Variants in ALDH7A1 observed in about 807,000 individuals in gnomAD.
ALDH7A1 encodes the protein alpha-aminoadipic semialdehyde dehydrogenase.
ALDH7A1 carries 63 observed loss-of-function variants against 79.9 expected under a neutral mutation model. The observed-to-expected ratio is 0.79, with a 90% CI of 0.64 to 0.97. The LOEUF (loss-of-function observed/expected upper bound fraction) is 0.97. ALDH7A1 is among the 50% of genes least tolerant of loss of function. The pLI is 0.00. For synonymous variants in ALDH7A1, 240 were observed against 231.2 expected (o/e 1.04, Z -0.34); for missense variants, 627 against 665.2 (o/e 0.94, Z 0.63).
chr5:126,545,425 G>A (rs937928662), intron 17 of ALDH7A1, among the ~76,000 whole-genome samples: 2 of 151,546 alleles, frequency 1.3e-5, no homozygotes, highest in Non-Finnish European at 2.9e-5. Flanking sequence ...ACCACGCCTG[G>A]CTAATTTTTG....
In ALDH7A1 at chr5:126,568,263, C is replaced by T; in HGVS notation, c.867G>A (p.Arg289=). ...CATTAGAAAGCCAACACTTACCAAACCTCTCCTGCACCATCAGGCCCACCT... is the reference window on the plus strand; with the variant it reads ...CATTAGAAAGCCAACACTTACCAAATCTCTCCTGCACCATCAGGCCCACCT... ...GKQVGLMVQE[R]FGRSLLELGG... is the part of the protein sequence containing the mutation. Residue 289 remains arginine, a synonymous_variant, in exon 9 of 18, where the codon AGG becomes AGA. Coordinates refer to ENST00000409134, the MANE Select transcript of ALDH7A1 (RefSeq NM_001182.5). 1.2e-6 allele frequency: 2 copies of T among 1,614,054 alleles called. No homozygotes were observed. The highest frequency in any genetic ancestry group is 1.7e-6 in the Non-Finnish European group (2 of 1,179,938).
Position 126,570,829 on chromosome 5 carries a change from C to T in ALDH7A1, c.726G>A (p.Lys242=), listed in dbSNP as rs1420938162. ...KIIAKVLEDN[K]LPGAICSLTC... is the part of the protein sequence containing the mutation. ...TCAAGGAACAAATTGCACCAGGCAG[C>T]TTGTTGTCCTCCAGAACCTTGGCTA... The change falls in exon 8 of 18, where the codon AAG becomes AAA. Residue 242 remains lysine, a synonymous_variant. Coordinates refer to ENST00000409134, the MANE Select transcript of ALDH7A1 (RefSeq NM_001182.5). 6.2e-7 allele frequency: 1 copy of T among 1,613,988 alleles called. No individual in the cohort carries two copies. Among genetic ancestry groups the T allele is most frequent in the South Asian group, 1.1e-5 (1 of 91,076 alleles).
chr5:126,563,464 C>T (rs1482098360), intron 9 of ALDH7A1, among the ~76,000 whole-genome samples: 4 of 152,148 alleles, frequency 2.6e-5, no homozygotes, highest in Admixed American at 1.3e-4. Flanking sequence ...AACCTATATT[C>T]TAGAAAAGTT....
intron 15 of ALDH7A1, 48 bp from the exon 16 acceptor site, chr5:126,550,050 A>G: frequency 6.3e-7 from 1 of 1,592,292 alleles, no homozygotes; most frequent in East Asian, 2.2e-5. Context: ...GGAAATTAAA[A>G]ACAAACAAAA....
intron 3 of ALDH7A1, 93 bp downstream of exon 3, chr5:126,592,571 G>T: frequency 1.6e-6 from 2 of 1,285,412 alleles, no homozygotes; most frequent in South Asian, 1.2e-5. Flanking sequence ...TAACAAGGCG[G>T]CACTGACCTG....
intron 15 of ALDH7A1, 34 bp downstream of exon 15, chr5:126,550,162 C>G (rs762451889): frequency 6.3e-7 from 1 of 1,595,558 alleles, no homozygotes; most frequent in Non-Finnish European, 8.6e-7. Context: ...ATAAATCAGA[C>G]TTATATAAAT....
At chr5:126,594,114 A>C (rs763946523) in intron 1 of ALDH7A1, 1 of 428,456 alleles carries the variant, frequency 2.3e-6, no homozygotes, top group African/African-American at 2.1e-5. Flanking sequence ...TTACCTTTCC[A>C]TTGTATTCTA....
intron 10 of ALDH7A1, 65 bp from the exon 11 acceptor site, chr5:126,559,399 G>A (rs2112768583): frequency 2.8e-6 from 3 of 1,061,776 alleles, no homozygotes; most frequent in East Asian, 5.2e-5. Context: ...TTGTTAGCTG[G>A]TATAAAACAA....
At chr5:126,570,929 A>C (rs538716888) in intron 7 of ALDH7A1, 70 bp from the exon 8 acceptor site, 1 of 1,455,612 alleles carries the variant, frequency 6.9e-7, no homozygotes, top group African/African-American at 1.4e-5. Context: ...AATAAATTCC[A>C]ACCACTTGAC....
chr5:126,551,260 T>C (rs1469347624), intron 14 of ALDH7A1, among the ~76,000 whole-genome samples: 1 of 151,912 alleles, frequency 6.6e-6, no homozygotes, highest in Non-Finnish European at 1.5e-5. Flanking sequence ...AGATATGAGA[T>C]CAGGGAAAAC....
At chr5:126,571,228 A>C (rs1750762250) in intron 7 of ALDH7A1, 1 of 285,402 alleles carries the variant, frequency 3.5e-6, no homozygotes, top group South Asian at 3.4e-5. Context: ...CTGCAATCCC[A>C]GCACTTTGGG....
rs2775 is a variant in ALDH7A1 at position 126,544,897 on chromosome 5, T to C, written c.*68A>G. ...GCATTTATTCAGGGAAAACTTTAAT[T>C]TTCTTTGTCTTCTCCAAAAACAGCT... On this transcript the variant is annotated 3_prime_UTR_variant, in exon 18 of 18. Coordinates refer to ENST00000409134, the MANE Select transcript of ALDH7A1 (RefSeq NM_001182.5). 0.45 allele frequency: 621,524 copies of C among 1,375,010 alleles called. 143,319 individuals are homozygous for C. The highest frequency in any genetic ancestry group is 0.48 in the Non-Finnish European group (465,168 of 966,738). 85.2% of individuals were successfully genotyped at this position (1,375,010 alleles called of 1,614,324 possible).
At chr5:126,584,393 G>A (rs1459853935) in intron 3 of ALDH7A1, 1 of 284,732 alleles carries the variant, frequency 3.5e-6, no homozygotes, top group African/African-American at 2.2e-5. Context: ...TGGGCGTGGT[G>A]GCTCACACCT....
Position 126,584,651 on chromosome 5 carries a change from C to CTCCAT in ALDH7A1, c.313-644_313-640dup, listed in dbSNP as rs1751297270. ...CTCCAGCCTGGGCAACAAAGTGACACTCCATCTCAAAAAAAAAAAAAAAAA... is the reference window on the plus strand; with the variant it reads ...CTCCAGCCTGGGCAACAAAGTGACACTCCATTCCATCTCAAAAAAAAAAAAAAAAA... On this transcript the variant is annotated intron_variant, in intron 3 of 17. Transcript: ENST00000409134. Among the ~76,000 whole-genome samples the CTCCAT allele has an allele frequency of 3.8e-5, 4 of 104,946 alleles. No homozygotes were observed. The South Asian group carries it at 1.3e-3, about 34-fold the overall frequency. The allele number at this position is 104,946 out of a possible 152,430, so 68.8% of individuals were successfully genotyped here.
chr5:126,567,965 A>C (rs1017396482), intron 9 of ALDH7A1: 6 of 351,418 alleles, frequency 1.7e-5, no homozygotes, highest in Non-Finnish European at 3.3e-5. Context: ...TTGTATTTTT[A>C]GTAGAGATGG....
Position 126,554,403 on chromosome 5 carries a change from G to C in ALDH7A1, c.1094-10C>G. 1 of 1,611,872 alleles carries C rather than the reference G, an allele frequency of 6.2e-7. No individual in the cohort carries two copies. The highest frequency in any genetic ancestry group is 8.5e-7 in the Non-Finnish European group (1 of 1,177,958). ...CCATAGAGAACATTAGCTGGAGAGA[G>C]AAAAGGAAGGCTGGCTCATCATTTT... On this transcript the variant is annotated splice_polypyrimidine_tract_variant and intron_variant, in intron 12 of 17. Transcript: ENST00000409134.
At chr5:126,573,528 T>C (rs1452342232) in intron 7 of ALDH7A1, among the ~76,000 whole-genome samples, 2 of 151,632 alleles carry the variant, frequency 1.3e-5, no homozygotes, top group Non-Finnish European at 2.9e-5. Flanking sequence ...TGAAACCCCA[T>C]CTCTACTAAA....
chr5:126,562,464 GC>G (rs748843074), intron 9 of ALDH7A1: 3 of 151,938 alleles, frequency 2.0e-5, no homozygotes, highest in African/African-American at 4.8e-5. Flanking sequence ...TCCCGCCTTG[GC>G]CTCCCAAAGT....
intron 13 of ALDH7A1, among the ~76,000 whole-genome samples, chr5:126,553,051 A>C (rs1331159465): frequency 6.6e-6 from 1 of 151,896 alleles, no homozygotes; most frequent in Admixed American, 6.6e-5. Flanking sequence ...AATATGTGTT[A>C]ATTTCTTTTT....
Sources: allele counts gnomAD v4.1 joint callset (sites outside exome capture counted in the v4.1 genomes callset), GRCh38; gene constraint gnomAD v4.1.1; transcripts MANE v1.5; gene names NCBI Gene and HGNC (gene_info 2026-07-23, HGNC 2026-07-21).